Variants in SASH1 observed in about 807,000 individuals in gnomAD.
The protein encoded by SASH1 is SAM and SH3 domain-containing protein 1.
In SASH1, 44 loss-of-function variants were observed where a neutral mutation model predicts 125.2. The observed-to-expected ratio is 0.35, with a 90% CI of 0.28 to 0.45. The LOEUF (loss-of-function observed/expected upper bound fraction) is 0.45, where lower values mean the gene tolerates loss of function less well. Ranked by LOEUF, SASH1 falls within the 20% of genes least tolerant of loss-of-function variation. The pLI is 1.00. For missense variants in SASH1, 1,426 were observed against 1,614.5 expected, an observed-to-expected ratio of 0.88 and a Z score of 2.00; for synonymous variants, 639 against 649.1, an observed-to-expected ratio of 0.98 and a Z score of 0.24.
intron 4 of SASH1, among the ~76,000 whole-genome samples, chr6:148,447,744 CTCCTCCTCCTCG>C (rs945684698): frequency 1.3e-5 from 2 of 151,642 alleles, no homozygotes; most frequent in African/African-American, 4.8e-5. Flanking sequence ...CCTCTTCCTC[CTCCTCCTCCTCG>C]TCCTCCTCTT....
At chr6:148,503,008 C>A (rs1779625512) in intron 8 of SASH1, among the ~76,000 whole-genome samples, 1 of 152,214 alleles carries the variant, frequency 6.6e-6, no homozygotes. Context: ...CCTCAGACGT[C>A]TAGATGATAA....
chr6:148,286,326 G>A (rs894376673), intron 1 of SASH1, among the ~76,000 whole-genome samples: 10 of 152,042 alleles, frequency 6.6e-5, no homozygotes, highest in African/African-American at 2.4e-4. Flanking sequence ...ACTTGAACCT[G>A]GGAGGCGGAG....
the SASH1 span, among the ~76,000 whole-genome samples, chr6:148,242,869 G>A: frequency 6.6e-6 from 1 of 152,080 alleles, no homozygotes; most frequent in Non-Finnish European, 1.5e-5. Context: ...AGGACCATGG[G>A]CTCTGGCTCT....
intron 1 of SASH1, among the ~76,000 whole-genome samples, chr6:148,332,788 C>T (rs1039433682): frequency 8.6e-5 from 13 of 151,996 alleles, no homozygotes; most frequent in African/African-American, 9.7e-5. Context: ...GAGTTCGAGA[C>T]CAGCCAGACC....
intron 4 of SASH1, among the ~76,000 whole-genome samples, chr6:148,450,137 A>G (rs1777025325): frequency 6.6e-6 from 1 of 152,214 alleles, no homozygotes. Context: ...TATTGTTCCA[A>G]GTGAGACCCT....
chr6:148,417,469 C>T (rs540349160), intron 2 of SASH1, among the ~76,000 whole-genome samples: 20 of 152,226 alleles, frequency 1.3e-4, no homozygotes, highest in African/African-American at 4.6e-4. Context: ...CCTGTAGTCC[C>T]AGCTACTCGA....
chr6:148,391,178 G>T (rs867662586), intron 2 of SASH1, among the ~76,000 whole-genome samples: 3 of 149,916 alleles, frequency 2.0e-5, no homozygotes, highest in East Asian at 2.0e-4. Flanking sequence ...GGCGTGATCT[G>T]GGCTCACCAC....
intron 8 of SASH1, among the ~76,000 whole-genome samples, chr6:148,492,398 T>C (rs1779142711): frequency 1.3e-5 from 2 of 152,216 alleles, no homozygotes; most frequent in African/African-American, 4.8e-5. Context: ...TCTTTATTCA[T>C]TTGGGAGACG....
At chr6:148,217,376 G>A in the SASH1 span, among the ~76,000 whole-genome samples, 645 of 152,310 alleles carry the variant, frequency 4.2e-3, 3 homozygotes, top group African/African-American at 0.015. Flanking sequence ...CATGTGCTGC[G>A]TACTTGCTGA....
chr6:148,288,264 C>T (rs6925130), intron 1 of SASH1, among the ~76,000 whole-genome samples: 34,833 of 152,112 alleles, frequency 0.23, 4,418 homozygotes, highest in Non-Finnish European at 0.27. Flanking sequence ...AATGACAGAG[C>T]GGCCCTGGGA....
chr6:148,348,388 G>T (rs1228277599), intron 1 of SASH1, among the ~76,000 whole-genome samples: 5 of 152,106 alleles, frequency 3.3e-5, no homozygotes, highest in Non-Finnish European at 7.4e-5. Flanking sequence ...CCCTTCTCCT[G>T]CCTTTCTGCC....
In SASH1 at chr6:148,508,289, A is replaced by G. The variant is rs559729111; in HGVS notation, c.730-6035A>G. On this transcript the variant is annotated intron_variant, in intron 8 of 19. Transcript: ENST00000367467. ...CAAAAATAGCCATTGGAAGGTGTCTATTTTCAATTGAGACTGCTCCCTTAA... is the reference window on the plus strand; with the variant it reads ...CAAAAATAGCCATTGGAAGGTGTCTGTTTTCAATTGAGACTGCTCCCTTAA... Among the ~76,000 whole-genome samples, 6 of 152,162 alleles carry G rather than the reference A, an allele frequency of 3.9e-5. No homozygotes were observed. In the South Asian group the frequency reaches 1.2e-3, roughly 32 times the overall value.
intron 4 of SASH1, among the ~76,000 whole-genome samples, chr6:148,467,088 CTTTTTTTTTT>C (rs71004298): frequency 1.0e-4 from 7 of 69,960 alleles, no homozygotes; most frequent in Admixed American, 2.2e-4. Flanking sequence ...TTCCCTGTTC[CTTTTTTTTTT>C]TTTTTTTTTT....
At chr6:148,477,515 T>C (rs974439808) in intron 7 of SASH1, among the ~76,000 whole-genome samples, 1 of 151,044 alleles carries the variant, frequency 6.6e-6, no homozygotes, top group Non-Finnish European at 1.5e-5. Flanking sequence ...CAGTAAGATA[T>C]CATCTCACCC....
At chr6:148,298,662 G>GAA (rs1562312087) in intron 1 of SASH1, among the ~76,000 whole-genome samples, 1 of 95,738 alleles carries the variant, frequency 1.0e-5, no homozygotes, top group Non-Finnish European at 2.3e-5. Flanking sequence ...AGGGAGGGAG[G>GAA]GAGGGAGGAA....
rs56342457 is a variant in SASH1 at position 148,411,166 on chromosome 6, C to CAAAAAAAAAAAAA, written c.285+20922_285+20934dup. 7.6e-4 allele frequency among the ~76,000 whole-genome samples: 35 copies of CAAAAAAAAAAAAA among 46,184 alleles called. 1 individual carries two copies. Among genetic ancestry groups the CAAAAAAAAAAAAA allele is most frequent in the Non-Finnish European group, 1.1e-3 (30 of 26,406 alleles). 30.3% of individuals were successfully genotyped at this position (46,184 alleles called of 152,430 possible). A position where few individuals can be genotyped will look rare whatever the true frequency, so the allele number is the denominator to read the frequency against. On this transcript the variant is annotated intron_variant, in intron 2 of 19. Coordinates refer to ENST00000367467, the MANE Select transcript of SASH1 (RefSeq NM_015278.5). Reference sequence around the variant, plus strand: ...TACAACAAGAGCGAAACTCCATCTCCAAAAAAAAAAAAAAAAAAAAAAAAA... The same window carrying CAAAAAAAAAAAAA: ...TACAACAAGAGCGAAACTCCATCTCCAAAAAAAAAAAAAAAAAAAAAAAAAAAAAAAAAAAAAA...
At chr6:148,360,247 G>T (rs1422393430) in intron 1 of SASH1, among the ~76,000 whole-genome samples, 1 of 150,806 alleles carries the variant, frequency 6.6e-6, no homozygotes, top group African/African-American at 2.4e-5. Flanking sequence ...CATCGTAATT[G>T]ATTTTTTCCC....
At chr6:148,209,819 C>T in the SASH1 span, among the ~76,000 whole-genome samples, 3,078 of 152,208 alleles carry the variant, frequency 0.02, 52 homozygotes, top group Middle Eastern at 0.037. Context: ...TTTCCCCTGT[C>T]TTACTAGGAT....
the SASH1 span, among the ~76,000 whole-genome samples, chr6:148,210,010 C>A: frequency 6.6e-6 from 1 of 152,128 alleles, no homozygotes; most frequent in African/African-American, 2.4e-5. Flanking sequence ...AGATTGTAAG[C>A]AAAAGCCCTA....
Sources: allele counts gnomAD v4.1 joint callset (sites outside exome capture counted in the v4.1 genomes callset), GRCh38; gene constraint gnomAD v4.1.1; transcripts MANE v1.5; gene names NCBI Gene and HGNC (gene_info 2026-07-23, HGNC 2026-07-21).